The following NKAIN2 variants were observed in gnomAD, a reference collection of about 807,000 sequenced individuals.
The protein encoded by NKAIN2 is sodium/potassium transporting ATPase interacting 2.
A neutral mutation model predicts 32.6 loss-of-function variants in NKAIN2; 14 were observed. The ratio of observed to expected loss-of-function variants is 0.43; its 90% CI spans 0.28 to 0.67. The LOEUF (loss-of-function observed/expected upper bound fraction) is 0.67, where lower values mean the gene tolerates loss of function less well. Among genes scored for constraint, NKAIN2 ranks in the 30% least tolerant of loss-of-function variants. The probability of loss-of-function intolerance (pLI) is 0.17; values close to 1 mark genes in which losing one functional copy is unlikely to be tolerated. For missense variants in NKAIN2, 198 were observed against 258.3 expected (o/e 0.77, Z 1.60); for synonymous variants, 80 against 87.2 (o/e 0.92, Z 0.46).
chr6:124,600,665 A>G (rs1761853246), intron 3 of NKAIN2, among the ~76,000 whole-genome samples: 1 of 152,126 alleles, frequency 6.6e-6, no homozygotes, highest in South Asian at 2.1e-4. Flanking sequence ...GAATTTTACA[A>G]TTGCAGAATA....
chr6:123,929,223 A>G (rs1046209065), intron 1 of NKAIN2, among the ~76,000 whole-genome samples: 8 of 152,178 alleles, frequency 5.3e-5, no homozygotes, highest in South Asian at 2.1e-4. Flanking sequence ...AAATAATGTT[A>G]ATAAATTAGT....
chr6:124,554,362 A>G (rs1039433144), intron 3 of NKAIN2, among the ~76,000 whole-genome samples: 4 of 152,194 alleles, frequency 2.6e-5, no homozygotes, highest in African/African-American at 4.8e-5. Context: ...AACCTTTTCT[A>G]TTGCATTCTG....
chr6:124,358,933 T>G (rs1241809173), intron 3 of NKAIN2, among the ~76,000 whole-genome samples: 1 of 151,422 alleles, frequency 6.6e-6, no homozygotes, highest in East Asian at 1.9e-4. Context: ...TTAATCCATC[T>G]TGAATTAATT....
intron 3 of NKAIN2, among the ~76,000 whole-genome samples, chr6:124,547,632 AC>A (rs1230267491): frequency 6.6e-6 from 1 of 152,200 alleles, no homozygotes; most frequent in Non-Finnish European, 1.5e-5. Flanking sequence ...TAAAAACTGT[AC>A]TTAAAGAAGC....
At chr6:124,580,496 CA>C (rs1781481576) in intron 3 of NKAIN2, among the ~76,000 whole-genome samples, 1 of 151,700 alleles carries the variant, frequency 6.6e-6, no homozygotes, top group Non-Finnish European at 1.5e-5. Flanking sequence ...AACTGTAAAT[CA>C]AAAAACATAC....
chr6:123,935,932 A>T (rs534002726), intron 1 of NKAIN2, among the ~76,000 whole-genome samples: 145 of 152,212 alleles, frequency 9.5e-4, no homozygotes, highest in African/African-American at 3.4e-3. Context: ...AGGGAAAAAA[A>T]TAGACAAGAA....
intron 3 of NKAIN2, among the ~76,000 whole-genome samples, chr6:124,521,774 C>T (rs1009131680): frequency 2.0e-5 from 3 of 152,030 alleles, no homozygotes; most frequent in African/African-American, 7.2e-5. Context: ...TTGATGTGTT[C>T]AGTTGTAATG....
At chr6:123,817,693 G>GA (rs1273438395) in intron 1 of NKAIN2, among the ~76,000 whole-genome samples, 1 of 152,126 alleles carries the variant, frequency 6.6e-6, no homozygotes, top group African/African-American at 2.4e-5. Context: ...TAGCCATTTT[G>GA]AAAACTCCTT....
At chr6:124,759,587 CAACACACACACACACACA>C (rs1292467212) in intron 4 of NKAIN2, among the ~76,000 whole-genome samples, 1 of 102,268 alleles carries the variant, frequency 9.8e-6, no homozygotes, top group African/African-American at 4.0e-5. Context: ...TCTGAAATTG[CAACACACACACACACACA>C]CACACACACA....
intron 3 of NKAIN2, among the ~76,000 whole-genome samples, chr6:124,640,921 T>A (rs1783962174): frequency 6.6e-6 from 1 of 152,218 alleles, no homozygotes; most frequent in East Asian, 1.9e-4. Context: ...TTTCCTTTTT[T>A]ACCTTTCAGT....
intron 3 of NKAIN2, among the ~76,000 whole-genome samples, chr6:124,398,577 C>T (rs1278893681): frequency 6.6e-6 from 1 of 151,990 alleles, no homozygotes; most frequent in Non-Finnish European, 1.5e-5. Context: ...CTTGAGAAGG[C>T]CTGAAAAAGT....
chr6:124,758,234 G>A (rs150374209), intron 4 of NKAIN2, among the ~76,000 whole-genome samples: 147 of 152,172 alleles, frequency 9.7e-4, no homozygotes, highest in Non-Finnish European at 1.4e-3. Context: ...ACAAACAGCT[G>A]TAGAACTCAA....
intron 3 of NKAIN2, among the ~76,000 whole-genome samples, chr6:124,608,731 A>G (rs1782584495): frequency 6.6e-6 from 1 of 152,168 alleles, no homozygotes; most frequent in Non-Finnish European, 1.5e-5. Flanking sequence ...CAAATAAAAT[A>G]TTTCTGTGGG....
At chr6:124,691,225 A>G (rs1774242383) in intron 4 of NKAIN2, among the ~76,000 whole-genome samples, 2 of 152,122 alleles carry the variant, frequency 1.3e-5, no homozygotes, top group South Asian at 4.1e-4. Flanking sequence ...CACTTCTGCT[A>G]AGAAAACTAA....
intron 1 of NKAIN2, among the ~76,000 whole-genome samples, chr6:124,280,100 A>AT (rs1324348046): frequency 6.6e-6 from 1 of 152,182 alleles, no homozygotes; most frequent in Non-Finnish European, 1.5e-5. Flanking sequence ...ACACATAAAC[A>AT]GCAGCATGTA....
intron 3 of NKAIN2, among the ~76,000 whole-genome samples, chr6:124,381,622 A>G (rs1264766922): frequency 2.6e-5 from 4 of 152,214 alleles, no homozygotes; most frequent in Non-Finnish European, 4.4e-5. Flanking sequence ...GAACTTCTCT[A>G]TAACACTGAA....
At chr6:124,652,087 G>C (rs1784388276) in intron 3 of NKAIN2, among the ~76,000 whole-genome samples, 1 of 152,162 alleles carries the variant, frequency 6.6e-6, no homozygotes, top group African/African-American at 2.4e-5. Context: ...CACAACTCCT[G>C]TAATATTTTG....
chr6:124,347,973 C>T (rs1473594498), intron 2 of NKAIN2, among the ~76,000 whole-genome samples: 2 of 152,092 alleles, frequency 1.3e-5, no homozygotes, highest in African/African-American at 4.8e-5. Flanking sequence ...GTTTTATCTA[C>T]TTTTGGTCTT....
At chr6:124,465,930 G>A (rs946822503) in intron 3 of NKAIN2, among the ~76,000 whole-genome samples, 1 of 151,956 alleles carries the variant, frequency 6.6e-6, no homozygotes, top group South Asian at 2.1e-4. Flanking sequence ...GTGAATGTTT[G>A]CTAAAAATAA....
Sources: allele counts gnomAD v4.1 joint callset (sites outside exome capture counted in the v4.1 genomes callset), GRCh38; gene constraint gnomAD v4.1.1; transcripts MANE v1.5; gene names NCBI Gene and HGNC (gene_info 2026-07-23, HGNC 2026-07-21).